PCSK5: variants seen among roughly 807,000 people sequenced by gnomAD.
PCSK5 encodes proprotein convertase subtilisin/kexin type 5.
Under a neutral mutation model 233.2 loss-of-function variants are expected in PCSK5, and 129 were observed. The ratio of observed to expected loss-of-function variants is 0.55; its 90% CI spans 0.48 to 0.64. The LOEUF (loss-of-function observed/expected upper bound fraction) is 0.64, where lower values mean the gene tolerates loss of function less well. Among genes scored for constraint, PCSK5 ranks in the 30% least tolerant of loss-of-function variants. The pLI, the probability that PCSK5 is intolerant of heterozygous loss-of-function variation, is 0.00. For synonymous variants in PCSK5, 825 were observed against 879.2 expected (o/e 0.94, Z 1.09); for missense variants, 2,076 against 2,430.1 (o/e 0.85, Z 3.06).
At chr9:75,960,873 G>T (rs1161174983) in intron 2 of PCSK5, among the ~76,000 whole-genome samples, 5 of 152,140 alleles carry the variant, frequency 3.3e-5, no homozygotes, top group African/African-American at 4.8e-5. Context: ...CAGTTGTCCT[G>T]GTCAAATGGG....
At chr9:76,240,363 C>G (rs1826390822) in intron 23 of PCSK5, among the ~76,000 whole-genome samples, 1 of 152,190 alleles carries the variant, frequency 6.6e-6, no homozygotes, top group Admixed American at 6.5e-5. Context: ...ATGAGCTTGA[C>G]TTCAAAATGA....
At chr9:76,269,472 T>C (rs1827438928) in intron 24 of PCSK5, among the ~76,000 whole-genome samples, 1 of 152,182 alleles carries the variant, frequency 6.6e-6, no homozygotes, top group African/African-American at 2.4e-5. Flanking sequence ...TTGAGATGGA[T>C]TGTTGACTTT....
chr9:76,153,053 G>T (rs1823739077), intron 10 of PCSK5, among the ~76,000 whole-genome samples: 1 of 152,136 alleles, frequency 6.6e-6, no homozygotes, highest in Non-Finnish European at 1.5e-5. Flanking sequence ...AGATGAAACG[G>T]CTTTCCTGAG....
At chr9:76,000,342 G>A (rs1309360732) in intron 3 of PCSK5, among the ~76,000 whole-genome samples, 2 of 152,282 alleles carry the variant, frequency 1.3e-5, no homozygotes, top group African/African-American at 4.8e-5. Flanking sequence ...TTTTTGAGAA[G>A]GTGAGGGAAG....
chr9:76,205,596 T>G (rs951510411), intron 20 of PCSK5, among the ~76,000 whole-genome samples: 16 of 152,202 alleles, frequency 1.1e-4, no homozygotes, highest in Non-Finnish European at 1.5e-4. Context: ...CTCCAAGGAA[T>G]GTAGGGACCA....
rs770588439 is a variant in PCSK5 at position 76,332,563 on chromosome 9, G to A, written c.4701G>A (p.Pro1567=). ...RHSRQCHSCR[P]GWFQLGKECL... ...GCAGGCAGTGCCACTCCTGCCGACC[G>A]GGCTGGTTCCAGCTAGGAAAAGAGT... Residue 1567 remains proline (P), a synonymous_variant, in exon 34 of 38, where the codon CCG becomes CCA. Transcript: ENST00000674117. 184 of 1,609,846 alleles carry A rather than the reference G, an allele frequency of 1.1e-4. No homozygotes were observed. Among genetic ancestry groups the A allele is most frequent in the Non-Finnish European group, 1.5e-4 (171 of 1,178,448 alleles).
intron 12 of PCSK5, among the ~76,000 whole-genome samples, chr9:76,166,634 G>T (rs1823097956): frequency 6.6e-6 from 1 of 152,204 alleles, no homozygotes; most frequent in Non-Finnish European, 1.5e-5. Context: ...CAAGTGTTCT[G>T]TCTAAACTGT....
chr9:76,332,618 C>A lies in PCSK5; in HGVS notation c.4748+8C>A. ...GCTCCAGTGCAGGGAAGGGTAAGTG[C>A]TCAATACATTTTCCCCCATGTAATT... On this transcript the variant is annotated splice_region_variant and intron_variant, in intron 34 of 37. Transcript: ENST00000674117. 2 of 1,552,852 alleles carry A rather than the reference C, an allele frequency of 1.3e-6. No homozygotes were observed. The highest frequency in any genetic ancestry group is 1.7e-6 in the Non-Finnish European group (2 of 1,145,624).
At chr9:75,996,692 A>G (rs1827033636) in intron 3 of PCSK5, among the ~76,000 whole-genome samples, 1 of 151,936 alleles carries the variant, frequency 6.6e-6, no homozygotes, top group African/African-American at 2.4e-5. Flanking sequence ...TTGCTTGCAC[A>G]AGATACAACT....
intron 10 of PCSK5, among the ~76,000 whole-genome samples, chr9:76,154,852 A>G (rs1340589347): frequency 1.3e-5 from 2 of 152,190 alleles, no homozygotes; most frequent in South Asian, 2.1e-4. Context: ...TCCACAGTTT[A>G]GTTCCTTAAG....
intron 20 of PCSK5, chr9:76,195,794 G>A (rs1479000336): frequency 3.6e-4 from 55 of 151,994 alleles, no homozygotes; most frequent in Admixed American, 3.5e-3. Context: ...TTGTTTTTTT[G>A]TAAAATATAG....
At chr9:76,112,660 A>G (rs1314743123) in intron 9 of PCSK5, among the ~76,000 whole-genome samples, 2 of 152,192 alleles carry the variant, frequency 1.3e-5, no homozygotes, top group African/African-American at 4.8e-5. Context: ...CACTACAAAA[A>G]AATTAAAGCA....
chr9:75,993,173 T>C (rs549608236), intron 3 of PCSK5, among the ~76,000 whole-genome samples: 4 of 152,226 alleles, frequency 2.6e-5, no homozygotes, highest in South Asian at 2.1e-4. Flanking sequence ...GCTGTTTTAA[T>C]TGAAAATGCA....
intron 24 of PCSK5, among the ~76,000 whole-genome samples, chr9:76,265,926 C>A (rs1827319232): frequency 6.6e-6 from 1 of 152,092 alleles, no homozygotes; most frequent in Admixed American, 6.6e-5. Flanking sequence ...TTGCCCAATT[C>A]TCTTTGCAAT....
At chr9:75,926,511 T>G (rs1410280227) in intron 1 of PCSK5, among the ~76,000 whole-genome samples, 2 of 152,212 alleles carry the variant, frequency 1.3e-5, no homozygotes, top group African/African-American at 4.8e-5. Flanking sequence ...AGGAGCTGTT[T>G]CCAGCACACA....
chr9:76,237,990 G>A (rs981328090), intron 22 of PCSK5, among the ~76,000 whole-genome samples: 1 of 152,084 alleles, frequency 6.6e-6, no homozygotes. Flanking sequence ...CATCTTGAAG[G>A]TCAATGATTC....
chr9:76,332,084 G>A (rs1446605167), intron 33 of PCSK5, among the ~76,000 whole-genome samples: 2 of 152,174 alleles, frequency 1.3e-5, no homozygotes, highest in South Asian at 2.1e-4. Flanking sequence ...GCGCCGGACT[G>A]TAGTTTCTGT....
chr9:76,025,587 A>G (rs1003571248), intron 4 of PCSK5, among the ~76,000 whole-genome samples: 1 of 152,134 alleles, frequency 6.6e-6, no homozygotes, highest in African/African-American at 2.4e-5. Context: ...CTGTATTCCT[A>G]TACTATTTAT....
intron 20 of PCSK5, chr9:76,193,129 C>T (rs944406196): frequency 1.4e-5 from 13 of 927,004 alleles, no homozygotes; most frequent in Middle Eastern, 4.5e-4. Flanking sequence ...TGATCTCTTC[C>T]AATTCCCCAA....
Sources: allele counts gnomAD v4.1 joint callset (sites outside exome capture counted in the v4.1 genomes callset), GRCh38; gene constraint gnomAD v4.1.1; transcripts MANE v1.5; gene names NCBI Gene and HGNC (gene_info 2026-07-23, HGNC 2026-07-21).